Variants in RNF24 observed in about 807,000 individuals in gnomAD.
RNF24 encodes ring finger protein 24.
Under a neutral mutation model 20.0 loss-of-function variants are expected in RNF24, and 14 were observed. The observed-to-expected ratio is 0.70, with a 90% CI of 0.46 to 1.10. The LOEUF (loss-of-function observed/expected upper bound fraction) is 1.10, where lower values mean the gene tolerates loss of function less well. RNF24 is among the 50% of genes least tolerant of loss of function. The pLI, the probability that RNF24 is intolerant of heterozygous loss-of-function variation, is 0.00. For synonymous variants in RNF24, 45 were observed against 61.1 expected, an observed-to-expected ratio of 0.74 and a Z score of 1.23; for missense variants, 124 against 177.6, an observed-to-expected ratio of 0.70 and a Z score of 1.71.
intron 4 of RNF24, among the ~76,000 whole-genome samples, chr20:3,944,002 G>C (rs1404959997): frequency 6.6e-6 from 1 of 152,094 alleles, no homozygotes; most frequent in Non-Finnish European, 1.5e-5. Flanking sequence ...GTGAGGTCAG[G>C]AGTTCAAGAC....
chr20:3,999,356 A>G (rs1981186729), intron 1 of RNF24, among the ~76,000 whole-genome samples: 1 of 152,194 alleles, frequency 6.6e-6, no homozygotes, highest in Non-Finnish European at 1.5e-5. Flanking sequence ...CACATTCTAC[A>G]CTAGAACACC....
rs1301060394 is a variant in RNF24, at chr20:3,983,433, T to C, written c.-7-19409A>G. On this transcript the variant is annotated intron_variant, in intron 1 of 5. Coordinates refer to ENST00000358395, the MANE Select transcript of RNF24 (RefSeq NM_001134337.3). ...CTAGCATTTAAAAAAGCTACTTCTT[T>C]GTATATTTATTTTGCAGCCTAACCT... 1.3e-5 allele frequency among the ~76,000 whole-genome samples: 2 copies of C among 152,166 alleles called. 1 individual carries two copies. The highest frequency in any genetic ancestry group is 2.9e-5 in the Non-Finnish European group (2 of 68,038).
chr20:3,982,102 C>CATCTCTCTCTCTCTCTCTCT (rs1326462462), intron 1 of RNF24, among the ~76,000 whole-genome samples: 1 of 78,256 alleles, frequency 1.3e-5, no homozygotes, highest in Non-Finnish European at 2.6e-5. Context: ...GGTGAGACCT[C>CATCTCTCTCTCTCTCTCTCT]GTCTCTCTCT....
intron 2 of RNF24, among the ~76,000 whole-genome samples, chr20:3,949,693 T>C (rs1343031701): frequency 6.6e-6 from 1 of 152,016 alleles, no homozygotes; most frequent in Non-Finnish European, 1.5e-5. Context: ...TAAAAAAAAA[T>C]AAAGTACTCA....
chr20:3,969,982 C>A (rs1266054379), intron 1 of RNF24, among the ~76,000 whole-genome samples: 1 of 151,838 alleles, frequency 6.6e-6, no homozygotes, highest in Non-Finnish European at 1.5e-5. Flanking sequence ...TGTTGGCCAG[C>A]TGGAATTTTT....
chr20:3,979,668 TCCA>T (rs1412338938), intron 1 of RNF24, among the ~76,000 whole-genome samples: 2 of 151,902 alleles, frequency 1.3e-5, no homozygotes, highest in East Asian at 1.9e-4. Context: ...AGAGTGAAAC[TCCA>T]CCTCAAAAAA....
At chr20:3,978,976 T>C (rs1979142786) in intron 1 of RNF24, among the ~76,000 whole-genome samples, 2 of 150,840 alleles carry the variant, frequency 1.3e-5, no homozygotes, top group African/African-American at 4.9e-5. Context: ...CGCGGTGGCG[T>C]GCGCCTGTAA....
chr20:4,000,487 T>C (rs934812402), intron 1 of RNF24, among the ~76,000 whole-genome samples: 22 of 152,054 alleles, frequency 1.4e-4, no homozygotes, highest in African/African-American at 5.3e-4. Flanking sequence ...ATGAAGCCAT[T>C]GCACTCCAGC....
intron 1 of RNF24, among the ~76,000 whole-genome samples, chr20:3,967,753 T>C (rs2091272898): frequency 6.6e-6 from 1 of 151,950 alleles, no homozygotes; most frequent in Non-Finnish European, 1.5e-5. Context: ...CCCAGCACTT[T>C]GGGAGGCTGA....
intron 4 of RNF24, among the ~76,000 whole-genome samples, chr20:3,935,976 G>A (rs1475775436): frequency 5.3e-5 from 8 of 152,096 alleles, no homozygotes; most frequent in Non-Finnish European, 1.2e-4. Context: ...CCATTCCCAA[G>A]GATCCTGGTT....
intron 1 of RNF24, among the ~76,000 whole-genome samples, chr20:4,009,433 G>C (rs1005711453): frequency 2.6e-5 from 4 of 151,334 alleles, no homozygotes; most frequent in African/African-American, 9.7e-5. Context: ...GATATGAGGG[G>C]GCATGAGGTA....
intron 1 of RNF24, among the ~76,000 whole-genome samples, chr20:3,975,214 A>C (rs1454594751): frequency 6.6e-6 from 1 of 152,204 alleles, no homozygotes; most frequent in African/African-American, 2.4e-5. Flanking sequence ...ATAGGCAAAA[A>C]AATTGAATCT....
At chr20:3,984,236 TAA>T (rs556690597) in intron 1 of RNF24, among the ~76,000 whole-genome samples, 1 of 142,972 alleles carries the variant, frequency 7.0e-6, no homozygotes. Context: ...CCCTGTCTCT[TAA>T]AAAAAAAAAA....
At chr20:3,939,949 T>C (rs549453885) in intron 4 of RNF24, among the ~76,000 whole-genome samples, 14 of 152,238 alleles carry the variant, frequency 9.2e-5, no homozygotes, top group Admixed American at 2.0e-4. Context: ...TTGATGCTAT[T>C]ACAAACGAAA....
intron 1 of RNF24, among the ~76,000 whole-genome samples, chr20:3,969,157 TAGAAC>T (rs2091288793): frequency 6.6e-6 from 1 of 152,162 alleles, no homozygotes; most frequent in Admixed American, 6.5e-5. Flanking sequence ...TTAAAGCACT[TAGAAC>T]AGTACCTGGG....
chr20:3,940,803 C>T (rs2090946079), intron 4 of RNF24, among the ~76,000 whole-genome samples: 1 of 152,072 alleles, frequency 6.6e-6, no homozygotes, highest in Admixed American at 6.6e-5. Context: ...GTTCCATATA[C>T]AAGAATATTC....
chr20:3,984,812 T>A (rs1360436645), intron 1 of RNF24, among the ~76,000 whole-genome samples: 1 of 152,134 alleles, frequency 6.6e-6, no homozygotes, highest in African/African-American at 2.4e-5. Flanking sequence ...TTTTTTTCTT[T>A]CAAATCTCAG....
At chr20:3,952,480 T>G (rs2146968877) in intron 2 of RNF24, among the ~76,000 whole-genome samples, 1 of 152,208 alleles carries the variant, frequency 6.6e-6, no homozygotes, top group African/African-American at 2.4e-5. Flanking sequence ...TTTTTTAATG[T>G]ACACAATTAT....
chr20:4,000,629 A>G (rs1181535026), intron 1 of RNF24, among the ~76,000 whole-genome samples: 1 of 152,200 alleles, frequency 6.6e-6, no homozygotes, highest in East Asian at 1.9e-4. Flanking sequence ...CATCCACCGA[A>G]ATGGAACTTC....
Sources: gnomAD v4.1 joint callset for allele counts (sites outside exome capture counted in the v4.1 genomes callset) on GRCh38, gnomAD v4.1.1 for gene constraint, MANE v1.5 for transcripts, NCBI Gene and HGNC (gene_info 2026-07-23, HGNC 2026-07-21) for gene names.